The following ANKFN1 variants were observed in gnomAD, a reference collection of about 807,000 sequenced individuals.
The protein encoded by ANKFN1 is ankyrin repeat and fibronectin type-III domain-containing protein 1.
In ANKFN1, 74 loss-of-function variants were observed where a neutral mutation model predicts 108.7. That is an observed-to-expected ratio of 0.68 (90% CI 0.56 to 0.83). ANKFN1 has a LOEUF of 0.83. ANKFN1 is among the 40% of genes least tolerant of loss of function. The pLI, the probability that ANKFN1 is intolerant of heterozygous loss-of-function variation, is 0.00. For missense variants in ANKFN1, 1,505 were observed against 1,382.3 expected (o/e 1.09, Z -1.41); for synonymous variants, 547 against 516.2 (o/e 1.06, Z -0.81).
intron 6 of ANKFN1, among the ~76,000 whole-genome samples, chr17:56,372,275 C>T (rs975420435): frequency 2.0e-5 from 3 of 152,154 alleles, no homozygotes; most frequent in Non-Finnish European, 4.4e-5. Flanking sequence ...CGGAGTTTTG[C>T]CCCTACATGT....
intron 15 of ANKFN1, among the ~76,000 whole-genome samples, chr17:56,467,811 A>AGAAAAAGAAAG (rs1568026547): frequency 2.7e-5 from 1 of 36,474 alleles, no homozygotes; most frequent in African/African-American, 1.6e-4. Flanking sequence ...AGAAAGAAAG[A>AGAAAAAGAAAG]AAGAAAGAAA....
chr17:56,440,566 G>A lies in ANKFN1; in HGVS notation c.1008+142G>A, dbSNP rs1379095786. The A allele has an allele frequency of 5.1e-5, 30 of 584,754 alleles. No homozygotes were observed. In the Admixed American group the frequency reaches 8.6e-4, roughly 17 times the overall value. The allele number at this position is 584,754 out of a possible 1,614,324, so 36.2% of individuals were successfully genotyped here. A position where few individuals can be genotyped will look rare whatever the true frequency, so the allele number is the denominator to read the frequency against. On this transcript the variant is annotated intron_variant, in intron 9 of 20. Transcript: ENST00000682825. ...CCACTCATTAAGCATGATATGTCTGGTATCTAGAATCTGAATTTCACAAAG... is the reference window on the plus strand; with the variant it reads ...CCACTCATTAAGCATGATATGTCTGATATCTAGAATCTGAATTTCACAAAG...
intron 4 of ANKFN1, among the ~76,000 whole-genome samples, chr17:56,052,960 T>C (rs535657970): frequency 6.6e-6 from 1 of 152,196 alleles, no homozygotes; most frequent in East Asian, 1.9e-4. Context: ...CACTGGACCG[T>C]CAACTCATTT....
chr17:56,126,619 C>T lies in ANKFN1; in HGVS notation c.288+80294C>T, dbSNP rs192282854. Among the ~76,000 whole-genome samples the T allele has an allele frequency of 7.0e-4, 106 of 152,280 alleles. 1 individual carries two copies. The East Asian group carries it at 8.7e-3, about 12-fold the overall frequency. On this transcript the variant is annotated intron_variant, in intron 4 of 12. Coordinates refer to the ANKFN1 transcript ENST00000635860. ...CATACAGACCGACCAGGGGACACAA[C>T]AGTAGGAGACACAAATAACCCTGAA...
intron 3 of ANKFN1, among the ~76,000 whole-genome samples, chr17:56,287,776 A>G (rs1430062761): frequency 6.6e-6 from 1 of 152,192 alleles, no homozygotes; most frequent in Non-Finnish European, 1.5e-5. Context: ...AACTCCTCTA[A>G]ACAGACATTA....
intron 1 of ANKFN1, among the ~76,000 whole-genome samples, chr17:56,170,809 C>T (rs12451723): frequency 0.021 from 1,646 of 79,964 alleles, 39 homozygotes; most frequent in African/African-American, 0.088. Context: ...TATATATATA[C>T]ACACACACAC....
At chr17:56,232,127 C>T (rs571042250) in intron 3 of ANKFN1, among the ~76,000 whole-genome samples, 32 of 152,062 alleles carry the variant, frequency 2.1e-4, no homozygotes, top group Non-Finnish European at 3.7e-4. Flanking sequence ...AATCTGATCC[C>T]GTATACTCTC....
chr17:56,238,970 T>C (rs1042934632), intron 3 of ANKFN1, among the ~76,000 whole-genome samples: 3 of 152,138 alleles, frequency 2.0e-5, no homozygotes, highest in African/African-American at 7.2e-5. Flanking sequence ...TTTTAAAAAA[T>C]CTGTTTTAGA....
At chr17:56,489,726 T>A (rs1025758941) in intron 18 of ANKFN1, among the ~76,000 whole-genome samples, 1 of 145,908 alleles carries the variant, frequency 6.9e-6, no homozygotes, top group Non-Finnish European at 1.5e-5. Context: ...AAAAAAACAA[T>A]TTTTTTTTTT....
chr17:56,456,776 G>C, intron 11 of ANKFN1, 85 bp from the exon 12 acceptor site: 1 of 1,064,560 alleles, frequency 9.4e-7, no homozygotes, highest in South Asian at 1.3e-5. Flanking sequence ...ATGGGGGAGG[G>C]GAAGGCAGGA....
chr17:56,404,758 G>T (rs1395000187), intron 8 of ANKFN1, among the ~76,000 whole-genome samples: 1 of 152,126 alleles, frequency 6.6e-6, no homozygotes, highest in Non-Finnish European at 1.5e-5. Context: ...TACTAGGGTT[G>T]GTTTTCTGGT....
Position 56,291,753 on chromosome 17 carries a change from G to A in ANKFN1, c.54-34468G>A, listed in dbSNP as rs563727708. 5.3e-5 allele frequency among the ~76,000 whole-genome samples: 8 copies of A among 152,300 alleles called. No individual in the cohort carries two copies. In the South Asian group the frequency reaches 1.2e-3, roughly 24 times the overall value. ...GGGTCCTTCTGAAGCAAGGAAGGGT[G>A]ACAGCTTCTGACACATGGTTCAGGA... is the stretch of plus-strand genomic sequence containing the variant. On this transcript the variant is annotated intron_variant, in intron 3 of 20. Transcript: ENST00000682825.
intron 4 of ANKFN1, among the ~76,000 whole-genome samples, chr17:56,082,987 A>G (rs1310565875): frequency 6.6e-6 from 1 of 151,386 alleles, no homozygotes; most frequent in African/African-American, 2.4e-5. Context: ...GAACAAATAT[A>G]GGAAATTTCC....
intron 2 of ANKFN1, among the ~76,000 whole-genome samples, chr17:56,227,618 C>G (rs1380663354): frequency 6.6e-6 from 1 of 152,096 alleles, no homozygotes; most frequent in African/African-American, 2.4e-5. Context: ...TGTTTTCTGT[C>G]TCCAAGATTG....
chr17:56,192,255 A>G (rs1358961328), intron 1 of ANKFN1, among the ~76,000 whole-genome samples: 86 of 147,098 alleles, frequency 5.8e-4, no homozygotes, highest in African/African-American at 2.1e-3. Context: ...TTAATTCAAG[A>G]TGGATTAAAG....
chr17:56,343,240 G>A (rs145958609), intron 4 of ANKFN1, among the ~76,000 whole-genome samples: 1 of 151,880 alleles, frequency 6.6e-6, no homozygotes, highest in East Asian at 1.9e-4. Flanking sequence ...TTACTATCTA[G>A]TGTTCTTTCA....
intron 2 of ANKFN1, among the ~76,000 whole-genome samples, chr17:56,227,223 A>G (rs994012496): frequency 6.6e-6 from 1 of 152,170 alleles, no homozygotes; most frequent in Non-Finnish European, 1.5e-5. Context: ...AATAGGTCCA[A>G]TAAATTATGG....
chr17:56,095,416 C>G (rs972321067), intron 4 of ANKFN1, among the ~76,000 whole-genome samples: 2 of 150,840 alleles, frequency 1.3e-5, no homozygotes, highest in African/African-American at 4.9e-5. Flanking sequence ...CTCAGCCTCT[C>G]AAGTATCTGG....
rs1241729405 is a variant in ANKFN1 at position 56,510,919 on chromosome 17, G to A, written c.3091G>A (p.Glu1031Lys). The change falls in exon 21 of 21, where the codon GAG (glutamate) becomes AAG (lysine). Residue 1031 changes from glutamate to lysine, a missense_variant. By Grantham distance (56) the Glu-to-Lys change is moderately conservative. Coordinates refer to ENST00000682825, the MANE Select transcript of ANKFN1 (RefSeq NM_001370326.1). ...HSETQSLSLS[E>K]GIYTQHLSQA... ...CGAGACCCAGTCGCTATCGCTCTCT[G>A]AGGGCATTTATACACAGCACCTGTC... 4 of 1,536,044 alleles carry A rather than the reference G, an allele frequency of 2.6e-6. No individual in the cohort carries two copies. In the Admixed American group the frequency reaches 7.8e-5, roughly 30 times the overall value.
Sources: gnomAD v4.1 joint callset for allele counts (sites outside exome capture counted in the v4.1 genomes callset) on GRCh38, gnomAD v4.1.1 for gene constraint, MANE v1.5 for transcripts, NCBI Gene and HGNC (gene_info 2026-07-23, HGNC 2026-07-21) for gene names.